The following TRIM24 variants were observed in gnomAD, a reference collection of about 807,000 sequenced individuals.
TRIM24 encodes the protein tripartite motif containing 24, also known as transcription intermediary factor 1-alpha.
A neutral mutation model predicts 123.9 loss-of-function variants in TRIM24; 29 were observed. The ratio of observed to expected loss-of-function variants is 0.23; its 90% CI spans 0.17 to 0.32. The LOEUF is 0.32. Among genes scored for constraint, TRIM24 ranks in the 10% least tolerant of loss-of-function variants. The probability of loss-of-function intolerance (pLI) is 1.00; values close to 1 mark genes in which losing one functional copy is unlikely to be tolerated. For missense variants in TRIM24, 932 were observed against 1,295.3 expected (o/e 0.72, Z 4.31); for synonymous variants, 456 against 461.1 (o/e 0.99, Z 0.14).
chr7:138,506,264 T>A (rs147030746), intron 2 of TRIM24, among the ~76,000 whole-genome samples: 65 of 152,210 alleles, frequency 4.3e-4, no homozygotes, highest in Admixed American at 1.2e-3. Context: ...ACTTTCTAAT[T>A]GTTTAATTGT....
chr7:138,503,132 A>T, intron 1 of TRIM24, among the ~76,000 whole-genome samples: 1 of 139,416 alleles, frequency 7.2e-6, no homozygotes, highest in East Asian at 2.0e-4. Context: ...GATATATATA[A>T]AGTGTGCATT....
At chr7:138,536,107 A>C (rs1392581457) in intron 6 of TRIM24, among the ~76,000 whole-genome samples, 1 of 152,160 alleles carries the variant, frequency 6.6e-6, no homozygotes, top group Admixed American at 6.5e-5. Flanking sequence ...TATTCTAGTT[A>C]GCCATTCATC....
chr7:138,559,273 C>T lies in TRIM24; in HGVS notation c.1530+4307C>T, dbSNP rs117353494. On this transcript the variant is annotated intron_variant, in intron 9 of 18. Coordinates refer to ENST00000343526, the MANE Select transcript of TRIM24 (RefSeq NM_015905.3). Reference sequence around the variant, plus strand: ...AGTCCTAGTTATGGTGCTCCCCGACCGCGTAGTATGTATGCAGTGGGGGCA... The same window carrying T: ...AGTCCTAGTTATGGTGCTCCCCGACTGCGTAGTATGTATGCAGTGGGGGCA... Among the ~76,000 whole-genome samples the T allele has an allele frequency of 6.5e-4, 99 of 152,146 alleles. No individual in the cohort carries two copies. In the East Asian group the frequency reaches 0.011, roughly 18 times the overall value.
chr7:138,508,720 C>CGTGTGTGTGTGTGT (rs113425807), intron 2 of TRIM24, among the ~76,000 whole-genome samples: 7 of 72,508 alleles, frequency 9.7e-5, no homozygotes, highest in Non-Finnish European at 1.9e-4. Context: ...TGTGTGTGTG[C>CGTGTGTGTGTGTGT]GTGTGTGTGT....
chr7:138,523,661 G>A (rs1584717537), intron 4 of TRIM24, among the ~76,000 whole-genome samples: 2 of 146,298 alleles, frequency 1.4e-5, no homozygotes, highest in Non-Finnish European at 1.5e-5. Context: ...TGAGGCAGGA[G>A]AATGGCGTGA....
chr7:138,522,329 T>C (rs925114691), intron 4 of TRIM24, among the ~76,000 whole-genome samples: 5 of 147,802 alleles, frequency 3.4e-5, no homozygotes, highest in Non-Finnish European at 7.5e-5. Context: ...ACAGCAAAAC[T>C]CCATCTCAAA....
At chr7:138,478,012 A>C (rs1308405614) in intron 1 of TRIM24, among the ~76,000 whole-genome samples, 1 of 152,236 alleles carries the variant, frequency 6.6e-6, no homozygotes, top group East Asian at 1.9e-4. Context: ...TGATAATTCG[A>C]GAATGAAATT....
At chr7:138,469,396 C>T (rs1250328146) in intron 1 of TRIM24, among the ~76,000 whole-genome samples, 3 of 151,596 alleles carry the variant, frequency 2.0e-5, no homozygotes, top group African/African-American at 7.3e-5. Flanking sequence ...GCAACCTCCA[C>T]CTCCCCGGTT....
intron 17 of TRIM24, 74 bp downstream of exon 17, chr7:138,581,845 A>AT (rs1797901348): frequency 8.6e-7 from 1 of 1,165,388 alleles, no homozygotes; most frequent in Admixed American, 2.1e-5. Context: ...AATCTAGCTT[A>AT]TATTACCATT....
At chr7:138,460,991 C>G in intron 1 of TRIM24, 79 bp downstream of exon 1, 1 of 1,281,174 alleles carries the variant, frequency 7.8e-7, no homozygotes, top group South Asian at 1.8e-5. Context: ...GCGCGACCCG[C>G]TGTCATGTCG....
chr7:138,460,669 T>C lies in TRIM24; in HGVS notation c.121T>C (p.Ser41Pro). 6.6e-7 allele frequency: 1 copy of C among 1,512,172 alleles called. No homozygotes were observed. The highest frequency in any genetic ancestry group is 8.8e-7 in the Non-Finnish European group (1 of 1,136,172). The allele number at this position is 1,512,172 out of a possible 1,614,324, so 93.7% of individuals were successfully genotyped here. A position where few individuals can be genotyped will look rare whatever the true frequency, so the allele number is the denominator to read the frequency against. Residue 41 changes from serine to proline, a missense_variant, in exon 1 of 19, where the codon TCG (serine) becomes CCG (proline). By Grantham distance (74) the Ser-to-Pro change is moderately conservative. Coordinates refer to ENST00000343526, the MANE Select transcript of TRIM24 (RefSeq NM_015905.3). ...GGCCGAGAGTCGGCAGGGCCCGGAC[T>C]CGGAGCGCGGCGGCGAGGCGGCCCG... Reference protein sequence around the residue: ...NEAESRQGPDSERGGEAARLN... With the variant: ...NEAESRQGPDPERGGEAARLN...
In TRIM24 at chr7:138,463,989, C is replaced by CTTTTTTTTTT. The variant is rs568562414; in HGVS notation, c.364+3091_364+3100dup. Among the ~76,000 whole-genome samples the CTTTTTTTTTT allele has an allele frequency of 1.0e-3, 51 of 50,756 alleles. 16 individuals are homozygous for CTTTTTTTTTT. The highest frequency in any genetic ancestry group is 1.7e-3 in the African/African-American group (21 of 12,206). The allele number at this position is 50,756 out of a possible 152,430, so 33.3% of individuals were successfully genotyped here. On this transcript the variant is annotated intron_variant, in intron 1 of 18. Coordinates refer to ENST00000343526, the MANE Select transcript of TRIM24 (RefSeq NM_015905.3). ...ATACTAGCTGAAGCAAAAATTTAGA[C>CTTTTTTTTTT]TTTTTTTTTTTTTTTTTTTTTTTGA...
rs1358625156 is a variant in TRIM24, at chr7:138,460,865, C to T, written c.317C>T (p.Pro106Leu). The change falls in exon 1 of 19, where the codon CCT becomes CTT. Residue 106 changes from proline (P) to leucine (L), a missense_variant. Physicochemically the swap from Pro to Leu is moderately conservative, Grantham distance 98 (BLOSUM62 -3). Transcript: ENST00000343526. Reference sequence around the variant, plus strand: ...TCGGCCGAGACCCCGCCACCCGTCCCTGCCCCCGGCTCGCCGGTCAGCGGC... The same window carrying T: ...TCGGCCGAGACCCCGCCACCCGTCCTTGCCCCCGGCTCGCCGGTCAGCGGC... The part of the protein sequence containing the change: ...LGSAETPPPV[P>L]APGSPVSGSS... The T allele has an allele frequency of 6.5e-7, 1 of 1,546,700 alleles. No homozygotes were observed. The highest frequency in any genetic ancestry group is 1.2e-5 in the South Asian group (1 of 85,914).
intron 1 of TRIM24, among the ~76,000 whole-genome samples, chr7:138,480,546 G>A (rs1242087023): frequency 2.0e-5 from 3 of 152,068 alleles, no homozygotes; most frequent in Non-Finnish European, 4.4e-5. Flanking sequence ...TCTTTTTAAA[G>A]CAATGAAGCT....
intron 1 of TRIM24, among the ~76,000 whole-genome samples, chr7:138,493,590 A>G (rs1270488855): frequency 6.6e-6 from 1 of 152,180 alleles, no homozygotes; most frequent in Non-Finnish European, 1.5e-5. Context: ...GTTCTGATAG[A>G]TGTCACCAGA....
intron 7 of TRIM24, among the ~76,000 whole-genome samples, chr7:138,549,301 G>C (rs77810731): frequency 0.054 from 8,266 of 152,250 alleles, 306 homozygotes; most frequent in Non-Finnish European, 0.08. Flanking sequence ...TAGAGGAAGG[G>C]AGAAGTCAAA....
rs1794936598 is a variant in TRIM24 at position 138,460,587 on chromosome 7, AGCGGCCTCGGCT to A, written c.48_59del (p.Ala17_Ser20del). 7.6e-7 allele frequency: 1 copy of A among 1,316,980 alleles called. No homozygotes were observed. Among genetic ancestry groups the A allele is most frequent in the Non-Finnish European group, 9.6e-7 (1 of 1,043,556 alleles). 81.6% of individuals were successfully genotyped at this position (1,316,980 alleles called of 1,614,324 possible). ...TGGAGAAGGCGGTGGCGGCGGCGGC[AGCGGCCTCGGCT>A]GCGGCCTCCGGGGGGCCCTCGGCGG... On this transcript the variant is annotated inframe_deletion, in exon 1 of 19. Coordinates refer to ENST00000343526, the MANE Select transcript of TRIM24 (RefSeq NM_015905.3).
intron 3 of TRIM24, among the ~76,000 whole-genome samples, chr7:138,518,831 T>C (rs1796450970): frequency 6.6e-6 from 1 of 152,186 alleles, no homozygotes; most frequent in Non-Finnish European, 1.5e-5. Context: ...TCAAAAAATC[T>C]CCTCCCATAT....
chr7:138,473,440 C>T (rs977065039), intron 1 of TRIM24, among the ~76,000 whole-genome samples: 9 of 152,210 alleles, frequency 5.9e-5, no homozygotes, highest in East Asian at 1.9e-4. Context: ...CTTTCTGTCC[C>T]GTTGTTAGTG....
Sources: allele counts gnomAD v4.1 joint callset (sites outside exome capture counted in the v4.1 genomes callset), GRCh38; gene constraint gnomAD v4.1.1; transcripts MANE v1.5; gene names NCBI Gene and HGNC (gene_info 2026-07-23, HGNC 2026-07-21).